Variants in LY86 observed in about 807,000 individuals in gnomAD.
LY86 encodes the protein lymphocyte antigen 86, also known as MD-1, RP105-associated.
A neutral mutation model predicts 17.3 loss-of-function variants in LY86; 20 were observed. The observed-to-expected ratio is 1.15, with a 90% confidence interval of 0.81 to 1.68. The LOEUF (loss-of-function observed/expected upper bound fraction) is 1.68. LY86 is among the 40% of genes most tolerant of loss of function. The pLI, the probability that LY86 is intolerant of heterozygous loss-of-function variation, is 0.00. For synonymous variants in LY86, 74 were observed against 70.6 expected (o/e 1.05, Z -0.24); for missense variants, 200 against 191.9 (o/e 1.04, Z -0.25).
At chr6:6,614,007 C>T (rs528013077) in intron 1 of LY86, among the ~76,000 whole-genome samples, 10 of 152,332 alleles carry the variant, frequency 6.6e-5, no homozygotes, top group Admixed American at 5.2e-4. Context: ...TCCTTAGAAC[C>T]TTCTACTTAC....
intron 1 of LY86, among the ~76,000 whole-genome samples, chr6:6,599,970 C>A (rs1406278126): frequency 1.3e-5 from 2 of 149,086 alleles, no homozygotes; most frequent in African/African-American, 5.2e-5. Flanking sequence ...TGCACACCCA[C>A]ATCCCCAAAG....
chr6:6,627,214 C>T (rs1000388336), intron 3 of LY86, among the ~76,000 whole-genome samples: 1 of 152,212 alleles, frequency 6.6e-6, no homozygotes, highest in African/African-American at 2.4e-5. Context: ...CCCCAATACA[C>T]CCCTCACCCC....
intron 1 of LY86, among the ~76,000 whole-genome samples, chr6:6,613,335 C>CTCG (rs962364513): frequency 2.6e-5 from 4 of 152,238 alleles, no homozygotes; most frequent in African/African-American, 9.6e-5. Flanking sequence ...GGTGGCGCTG[C>CTCG]TCGTCGGGGA....
intron 3 of LY86, among the ~76,000 whole-genome samples, chr6:6,646,386 G>T (rs1396158441): frequency 1.3e-5 from 2 of 152,168 alleles, no homozygotes; most frequent in South Asian, 2.1e-4. Flanking sequence ...GAGGGGCTGG[G>T]CAAGGCATCA....
In LY86 at chr6:6,606,802, C is replaced by T. The variant is rs182382037; in HGVS notation, c.136+17932C>T. Among the ~76,000 whole-genome samples, 104 of 152,390 alleles carry T rather than the reference C, an allele frequency of 6.8e-4. 1 individual carries two copies. The highest frequency in any genetic ancestry group is 2.5e-3 in the African/African-American group (102 of 41,600). ...GCGCAGCCCGGGTTCCCGCTTACGC[C>T]TCTCCCTCCACACCACCCCGCAAGC... On this transcript the variant is annotated intron_variant, in intron 1 of 4. Transcript: ENST00000230568.
chr6:6,610,210 C>G (rs1193558758), intron 1 of LY86, among the ~76,000 whole-genome samples: 1 of 152,230 alleles, frequency 6.6e-6, no homozygotes, highest in Non-Finnish European at 1.5e-5. Flanking sequence ...GTGTCAATGA[C>G]TAGGTTTTGA....
At chr6:6,613,959 T>C (rs1379387634) in intron 1 of LY86, among the ~76,000 whole-genome samples, 1 of 152,248 alleles carries the variant, frequency 6.6e-6, no homozygotes, top group Non-Finnish European at 1.5e-5. Flanking sequence ...TTTAGCTCAT[T>C]CTCAAATTCT....
At position 6,613,844 on chromosome 6, in the gene LY86, T is replaced by G. The variant is rs138997496; in HGVS notation, c.137-11082T>G. Among the ~76,000 whole-genome samples the G allele has an allele frequency of 6.4e-4, 97 of 152,368 alleles. 1 individual carries two copies. The Middle Eastern group carries it at 0.01, about 16-fold the overall frequency. ...TCCCTGCCTGATGGTTTATCCGCCT[T>G]CCTTCAGTCACTCCTCGAACACTTA... On this transcript the variant is annotated intron_variant, in intron 1 of 4. Transcript: ENST00000230568.
At chr6:6,632,041 G>A (rs1166643459) in intron 3 of LY86, among the ~76,000 whole-genome samples, 3 of 152,238 alleles carry the variant, frequency 2.0e-5, no homozygotes, top group Admixed American at 1.3e-4. Context: ...CTCTTAGCCA[G>A]AGTTACTGAG....
intron 1 of LY86, among the ~76,000 whole-genome samples, chr6:6,589,383 A>G (rs1760456074): frequency 6.6e-6 from 1 of 152,224 alleles, no homozygotes. Context: ...TGAATTCAGC[A>G]AGCACTTCGC....
intron 1 of LY86, among the ~76,000 whole-genome samples, chr6:6,616,352 G>C (rs775312817): frequency 1.3e-5 from 2 of 152,086 alleles, no homozygotes; most frequent in South Asian, 4.1e-4. Flanking sequence ...TGTCTGCCTC[G>C]CTCATGTACT....
At chr6:6,595,142 GAAAGAGAGGAGGAGAGA>G (rs146612112) in intron 1 of LY86, among the ~76,000 whole-genome samples, 2,895 of 151,460 alleles carry the variant, frequency 0.019, 67 homozygotes, top group African/African-American at 0.057. Context: ...GAGGGAGAGG[GAAAGAGAGGAGGAGAGA>G]AAAGAGCGGA....
At chr6:6,621,296 A>G (rs1402900718) in intron 1 of LY86, 1 of 152,216 alleles carries the variant, frequency 6.6e-6, no homozygotes, top group Non-Finnish European at 1.5e-5. Flanking sequence ...CCAAAGTCAG[A>G]TGATCCGTCT....
At chr6:6,649,987 C>A (rs939201588) in intron 4 of LY86, among the ~76,000 whole-genome samples, 2 of 152,144 alleles carry the variant, frequency 1.3e-5, no homozygotes, top group Non-Finnish European at 2.9e-5. Flanking sequence ...TCTTGTCCAG[C>A]AGGATTACGG....
Position 6,589,537 on chromosome 6 carries a change from T to G in LY86, c.136+667T>G, listed in dbSNP as rs187536596. Among the ~76,000 whole-genome samples, 112 of 152,318 alleles carry G rather than the reference T, an allele frequency of 7.4e-4. 1 individual carries two copies. The highest frequency in any genetic ancestry group is 2.5e-3 in the African/African-American group (103 of 41,568). ...GAATGCAGTGAACTGTGGTAAGAAG[T>G]GTCAGAACCAACCAATCGGGCTGTG... On this transcript the variant is annotated intron_variant, in intron 1 of 4. Coordinates refer to ENST00000230568, the MANE Select transcript of LY86 (RefSeq NM_004271.4).
chr6:6,621,269 T>C (rs1761665951), intron 1 of LY86: 1 of 152,366 alleles, frequency 6.6e-6, no homozygotes, highest in East Asian at 1.9e-4. Context: ...CTTTCCGATG[T>C]TATTGCTTCA....
At chr6:6,588,928 G>C (rs1760438606) in intron 1 of LY86, 58 bp downstream of exon 1, 1 of 1,582,466 alleles carries the variant, frequency 6.3e-7, no homozygotes, top group Non-Finnish European at 8.6e-7. Flanking sequence ...CCACAGATGT[G>C]AGCCGCTAGT....
chr6:6,641,347 C>T (rs1369925573), intron 3 of LY86, among the ~76,000 whole-genome samples: 2 of 152,218 alleles, frequency 1.3e-5, no homozygotes, highest in Non-Finnish European at 2.9e-5. Context: ...GGGACAGTAA[C>T]TCTCCATCCA....
chr6:6,649,775 G>A lies in LY86; in HGVS notation c.405+98G>A, dbSNP rs187334786. ...AAGGAGGAGAAACCAAGAAAGAAGA[G>A]AAGGAAAGAATTAAACAGTTTAAAA... On this transcript the variant is annotated intron_variant, in intron 4 of 4. Transcript: ENST00000230568. 563 of 781,436 alleles carry A rather than the reference G, an allele frequency of 7.2e-4. 1 individual carries two copies. The highest frequency in any genetic ancestry group is 2.9e-3 in the Admixed American group (124 of 42,756). The allele number at this position is 781,436 out of a possible 1,614,324, so 48.4% of individuals were successfully genotyped here.
Sources: allele counts gnomAD v4.1 joint callset (sites outside exome capture counted in the v4.1 genomes callset), GRCh38; gene constraint gnomAD v4.1.1; transcripts MANE v1.5; gene names NCBI Gene and HGNC (gene_info 2026-07-23, HGNC 2026-07-21).